Variants in THSD4 observed in about 807,000 individuals in gnomAD.
THSD4 encodes the protein thrombospondin type-1 domain-containing protein 4.
A neutral mutation model predicts 119.0 loss-of-function variants in THSD4; 69 were observed. That is an observed-to-expected ratio of 0.58 (90% CI 0.48 to 0.71). THSD4 has a LOEUF of 0.71. Ranked by LOEUF, THSD4 falls within the 30% of genes least tolerant of loss-of-function variation. The pLI is 0.00. For synonymous variants in THSD4, 524 were observed against 540.4 expected, an observed-to-expected ratio of 0.97 and a Z score of 0.42; for missense variants, 1,393 against 1,391.1, an observed-to-expected ratio of 1.00 and a Z score of -0.02.
At chr15:71,532,516 C>T (rs1000488219) in intron 7 of THSD4, among the ~76,000 whole-genome samples, 20 of 151,946 alleles carry the variant, frequency 1.3e-4, no homozygotes, top group South Asian at 4.2e-4. Flanking sequence ...GAGGTTTCAC[C>T]ATGTTGGCCA....
In THSD4 at chr15:71,191,904, CT is replaced by C. The variant is rs11452105; in HGVS notation, c.100-23115del. ...TATGCTTTGCCTTCTTCTTCTTCTT[CT>C]TTTTTTTTTTTTTTTGAGATGGAAT... On this transcript the variant is annotated intron_variant, in intron 3 of 17. Transcript: ENST00000261862. Among the ~76,000 whole-genome samples the C allele has an allele frequency of 1.4e-3, 194 of 142,454 alleles. 1 individual carries two copies. Among genetic ancestry groups the C allele is most frequent in the African/African-American group, 5.1e-3 (188 of 36,988 alleles). The allele number at this position is 142,454 out of a possible 152,430, so 93.5% of individuals were successfully genotyped here.
At chr15:71,643,951 C>T (rs554006241) in intron 7 of THSD4, among the ~76,000 whole-genome samples, 6 of 152,232 alleles carry the variant, frequency 3.9e-5, no homozygotes, top group Admixed American at 3.3e-4. Context: ...TACACGTAGG[C>T]GTATACTGTG....
chr15:71,590,009 C>T lies in THSD4; in HGVS notation c.1153-70521C>T, dbSNP rs1042587401. 2.2e-5 allele frequency among the ~76,000 whole-genome samples: 3 copies of T among 139,400 alleles called. 1 individual carries two copies. Among genetic ancestry groups the T allele is most frequent in the Admixed American group, 1.4e-4 (2 of 13,844 alleles). The allele number at this position is 139,400 out of a possible 152,430, so 91.5% of individuals were successfully genotyped here. A position where few individuals can be genotyped will look rare whatever the true frequency, so the allele number is the denominator to read the frequency against. On this transcript the variant is annotated intron_variant, in intron 7 of 17. Coordinates refer to ENST00000261862, the MANE Select transcript of THSD4 (RefSeq NM_024817.3). The stretch of plus-strand genomic sequence containing the variant: ...TTTTAAAAATGTAAAACAATACCAT[C>T]AATCATTTCTAGATCTGTGCATATC...
At chr15:71,739,505 A>T (rs921558355) in intron 11 of THSD4, among the ~76,000 whole-genome samples, 1 of 152,140 alleles carries the variant, frequency 6.6e-6, no homozygotes, top group Non-Finnish European at 1.5e-5. Flanking sequence ...CAAAGTTAAG[A>T]TACATGTGGA....
chr15:71,660,467 C>A, intron 7 of THSD4, 63 bp from the exon 8 acceptor site: 1 of 1,595,046 alleles, frequency 6.3e-7, no homozygotes, highest in Non-Finnish European at 8.6e-7. Context: ...GGATCTTCTC[C>A]CTTCCTTCCT....
intron 6 of THSD4, among the ~76,000 whole-genome samples, chr15:71,328,458 T>C (rs576001632): frequency 1.6e-4 from 24 of 152,334 alleles, no homozygotes; most frequent in African/African-American, 5.5e-4. Context: ...CATTTGTTCA[T>C]TCGTTCATTA....
chr15:71,716,648 G>T (rs1481752061), intron 8 of THSD4, among the ~76,000 whole-genome samples: 1 of 150,992 alleles, frequency 6.6e-6, no homozygotes, highest in African/African-American at 2.4e-5. Flanking sequence ...TGTACTTGTG[G>T]GGTGATGCCA....
intron 7 of THSD4, among the ~76,000 whole-genome samples, chr15:71,653,881 CA>C (rs202101179): frequency 0.012 from 1,797 of 152,178 alleles, 43 homozygotes; most frequent in African/African-American, 0.041. Context: ...TGAGGGCAGT[CA>C]GGGGTAGATT....
chr15:71,292,138 A>G (rs2044800366), intron 6 of THSD4, among the ~76,000 whole-genome samples: 1 of 152,306 alleles, frequency 6.6e-6, no homozygotes, highest in Admixed American at 6.5e-5. Flanking sequence ...GTATTCCACC[A>G]TTGTCTTCCA....
At chr15:71,543,640 G>A (rs2048792865) in intron 7 of THSD4, among the ~76,000 whole-genome samples, 2 of 152,218 alleles carry the variant, frequency 1.3e-5, no homozygotes, top group African/African-American at 4.8e-5. Flanking sequence ...TGTTGAATTT[G>A]GAGTACATTT....
At chr15:71,587,215 T>G (rs11629974) in intron 7 of THSD4, among the ~76,000 whole-genome samples, 1 of 120,416 alleles carries the variant, frequency 8.3e-6, no homozygotes, top group African/African-American at 3.1e-5. Flanking sequence ...GTCAGTGTGG[T>G]GATTCCTCAG....
At chr15:71,323,937 C>T (rs992558842) in intron 6 of THSD4, among the ~76,000 whole-genome samples, 1 of 152,104 alleles carries the variant, frequency 6.6e-6, no homozygotes, top group Non-Finnish European at 1.5e-5. Context: ...TGTTTGTGTG[C>T]ATGCATTTTA....
intron 6 of THSD4, among the ~76,000 whole-genome samples, chr15:71,352,688 A>G (rs978956686): frequency 3.9e-5 from 6 of 152,234 alleles, no homozygotes; most frequent in Non-Finnish European, 8.8e-5. Context: ...CAAAGAGCTC[A>G]GAGATACCAG....
At chr15:71,740,630 C>T (rs1329505492) in intron 11 of THSD4, among the ~76,000 whole-genome samples, 1 of 152,174 alleles carries the variant, frequency 6.6e-6, no homozygotes, top group African/African-American at 2.4e-5. Flanking sequence ...AAACTCATAA[C>T]CAAATGTTCC....
chr15:71,615,713 C>T (rs1285770814), intron 7 of THSD4, among the ~76,000 whole-genome samples: 3 of 152,130 alleles, frequency 2.0e-5, no homozygotes, highest in African/African-American at 4.8e-5. Context: ...ATGGAAATTG[C>T]TCTTCACATG....
intron 10 of THSD4, among the ~76,000 whole-genome samples, chr15:71,735,890 GTC>G (rs1246660309): frequency 8.2e-6 from 1 of 121,720 alleles, no homozygotes; most frequent in African/African-American, 3.2e-5. Flanking sequence ...CTGTCTCTCT[GTC>G]TCTCTCTGTC....
At chr15:71,566,480 G>C (rs1489035798) in intron 7 of THSD4, among the ~76,000 whole-genome samples, 7 of 152,120 alleles carry the variant, frequency 4.6e-5, no homozygotes, top group Non-Finnish European at 1.0e-4. Flanking sequence ...TGTGGGGGTA[G>C]ACAGATAACT....
At chr15:71,555,044 C>A (rs1276267133) in intron 7 of THSD4, among the ~76,000 whole-genome samples, 5 of 152,088 alleles carry the variant, frequency 3.3e-5, no homozygotes, top group Non-Finnish European at 7.4e-5. Flanking sequence ...CACTTCATTG[C>A]TTTTATTTAT....
intron 5 of THSD4, among the ~76,000 whole-genome samples, chr15:71,247,769 C>T (rs1193089596): frequency 6.6e-6 from 1 of 152,178 alleles, no homozygotes; most frequent in Non-Finnish European, 1.5e-5. Context: ...GATTAATCCG[C>T]AGCCCTGCAC....
Sources: allele counts gnomAD v4.1 joint callset (sites outside exome capture counted in the v4.1 genomes callset), GRCh38; gene constraint gnomAD v4.1.1; transcripts MANE v1.5; gene names NCBI Gene and HGNC (gene_info 2026-07-23, HGNC 2026-07-21).